Variants in CSMD1 observed in about 807,000 individuals in gnomAD.
CSMD1 encodes CUB and Sushi multiple domains 1.
In CSMD1, 213 loss-of-function variants were observed where a neutral mutation model predicts 417.5. The observed-to-expected ratio is 0.51, with a 90% CI of 0.46 to 0.57. The LOEUF is 0.57. Among genes scored for constraint, CSMD1 ranks in the 20% least tolerant of loss-of-function variants. The pLI is 0.00. For missense variants in CSMD1, 6,923 were observed against 4,529.7 expected, an observed-to-expected ratio of 1.53 and a Z score of -15.17; for synonymous variants, 2,862 against 1,736.8, an observed-to-expected ratio of 1.65 and a Z score of -16.11.
chr8:4,295,305 T>G (rs191768416), intron 3 of CSMD1, among the ~76,000 whole-genome samples: 173 of 108,886 alleles, frequency 1.6e-3, no homozygotes, highest in African/African-American at 4.9e-3. Context: ...AGATTATCTA[T>G]ATAATCTTAA....
chr8:4,017,367 G>A (rs757911977), intron 4 of CSMD1, among the ~76,000 whole-genome samples: 25 of 152,100 alleles, frequency 1.6e-4, no homozygotes, highest in Admixed American at 3.9e-4. Flanking sequence ...GTGCAATGGT[G>A]CGATCTTGGC....
At chr8:2,956,471 A>C (rs1449022224) in intron 63 of CSMD1, among the ~76,000 whole-genome samples, 1 of 151,576 alleles carries the variant, frequency 6.6e-6, no homozygotes, top group Non-Finnish European at 1.5e-5. Flanking sequence ...TTTTTTATTT[A>C]TTTTTTGAGT....
At chr8:4,090,123 G>C (rs113098283) in intron 3 of CSMD1, among the ~76,000 whole-genome samples, 92 of 152,280 alleles carry the variant, frequency 6.0e-4, no homozygotes, top group African/African-American at 2.0e-3. Flanking sequence ...AACTCTGGAA[G>C]CTCATCATTA....
intron 68 of CSMD1, among the ~76,000 whole-genome samples, chr8:2,944,255 G>C (rs1802071046): frequency 6.6e-6 from 1 of 152,180 alleles, no homozygotes; most frequent in Non-Finnish European, 1.5e-5. Context: ...TTGGAAGCGA[G>C]GGACGCAAAA....
intron 7 of CSMD1, among the ~76,000 whole-genome samples, chr8:3,644,234 G>A (rs886538625): frequency 6.6e-6 from 1 of 152,206 alleles, no homozygotes; most frequent in Non-Finnish European, 1.5e-5. Flanking sequence ...TCCCCAGGTC[G>A]TTGAGGTGAC....
chr8:4,821,157 G>C (rs902044257), intron 1 of CSMD1, among the ~76,000 whole-genome samples: 1 of 152,156 alleles, frequency 6.6e-6, no homozygotes, highest in Non-Finnish European at 1.5e-5. Flanking sequence ...CTGAGTCACA[G>C]ATCCTCTCTT....
chr8:4,280,456 T>A (rs1206827238), intron 3 of CSMD1, among the ~76,000 whole-genome samples: 2 of 152,214 alleles, frequency 1.3e-5, no homozygotes, highest in Non-Finnish European at 2.9e-5. Flanking sequence ...ATCTGAGCAC[T>A]TGCATACATC....
At chr8:4,639,561 T>C (rs1163327793) in intron 1 of CSMD1, among the ~76,000 whole-genome samples, 1 of 152,186 alleles carries the variant, frequency 6.6e-6, no homozygotes, top group Non-Finnish European at 1.5e-5. Context: ...TAATGTGCTT[T>C]AAATGTATTT....
intron 3 of CSMD1, among the ~76,000 whole-genome samples, chr8:4,292,581 A>T (rs369331826): frequency 2.0e-5 from 3 of 152,316 alleles, no homozygotes; most frequent in East Asian, 3.9e-4. Flanking sequence ...AATGGAATTT[A>T]TAACAACCCA....
At chr8:3,243,923 G>A (rs78457866) in intron 26 of CSMD1, among the ~76,000 whole-genome samples, 1 of 151,960 alleles carries the variant, frequency 6.6e-6, no homozygotes, top group Admixed American at 6.6e-5. Flanking sequence ...TTTTTTAAAC[G>A]TTATGTAAAA....
Position 3,998,117 on chromosome 8 carries a change from G to C in CSMD1, c.611-7C>G, listed in dbSNP as rs529353676. 35 of 1,552,584 alleles carry C rather than the reference G, an allele frequency of 2.3e-5. No homozygotes were observed. The highest frequency in any genetic ancestry group is 2.8e-5 in the Non-Finnish European group (32 of 1,145,990). On this transcript the variant is annotated splice_region_variant and splice_polypyrimidine_tract_variant and intron_variant, in intron 4 of 69. Transcript: ENST00000635120. Reference sequence around the variant, plus strand: ...CCTCCGCAGGCTCCCTCAGCTGCAGGGGCAAAAGCAGAAAGAAAGCATCAC... The same window carrying C: ...CCTCCGCAGGCTCCCTCAGCTGCAGCGGCAAAAGCAGAAAGAAAGCATCAC...
chr8:3,457,124 C>T (rs1816200518), intron 12 of CSMD1, among the ~76,000 whole-genome samples: 1 of 151,832 alleles, frequency 6.6e-6, no homozygotes, highest in Non-Finnish European at 1.5e-5. Flanking sequence ...TCACCCAGGC[C>T]TCTCCTCCCG....
At position 2,950,926 on chromosome 8, in the gene CSMD1, G is replaced by T. The variant is rs73179583; in HGVS notation, c.10201+188C>A. Among the ~76,000 whole-genome samples, 1,259 of 152,156 alleles carry T rather than the reference G, an allele frequency of 8.3e-3. 13 individuals carry two copies. The highest frequency in any genetic ancestry group is 0.013 in the Non-Finnish European group (881 of 67,996). ...CAGTTCACTTTTCTGTACTCGTTTTGTAATCTCTAAAATAAGAAAATAATA... is the reference window on the plus strand; with the variant it reads ...CAGTTCACTTTTCTGTACTCGTTTTTTAATCTCTAAAATAAGAAAATAATA... On this transcript the variant is annotated intron_variant, in intron 66 of 69. Coordinates refer to ENST00000635120, the MANE Select transcript of CSMD1 (RefSeq NM_033225.6).
At chr8:4,622,123 A>G (rs1801815579) in intron 2 of CSMD1, among the ~76,000 whole-genome samples, 1 of 151,942 alleles carries the variant, frequency 6.6e-6, no homozygotes, top group South Asian at 2.1e-4. Context: ...TTCAGTATGA[A>G]GAACGATTAA....
chr8:3,508,731 A>G (rs1480533349), intron 10 of CSMD1, among the ~76,000 whole-genome samples: 1 of 152,126 alleles, frequency 6.6e-6, no homozygotes, highest in Non-Finnish European at 1.5e-5. Context: ...AAAATTTAAA[A>G]CAAATAAAAT....
intron 12 of CSMD1, among the ~76,000 whole-genome samples, chr8:3,466,063 A>G (rs1344361965): frequency 6.6e-6 from 1 of 152,216 alleles, no homozygotes; most frequent in East Asian, 1.9e-4. Flanking sequence ...TGTTTGTAGA[A>G]AAAATCTCAA....
At chr8:3,772,211 C>G (rs1287641839) in intron 5 of CSMD1, among the ~76,000 whole-genome samples, 4 of 139,516 alleles carry the variant, frequency 2.9e-5, no homozygotes, top group African/African-American at 1.0e-4. Flanking sequence ...CACACACACA[C>G]ACACATATAA....
intron 26 of CSMD1, among the ~76,000 whole-genome samples, chr8:3,269,238 T>C (rs559748792): frequency 7.0e-4 from 106 of 152,340 alleles, no homozygotes; most frequent in African/African-American, 2.5e-3. Context: ...CTGTTCACAA[T>C]CTATGATCCT....
intron 41 of CSMD1, among the ~76,000 whole-genome samples, chr8:3,132,378 C>A (rs1001677843): frequency 5.9e-5 from 9 of 151,586 alleles, no homozygotes; most frequent in African/African-American, 1.9e-4. Flanking sequence ...ACTTAAAATA[C>A]AACTTAATGG....
Sources: allele counts gnomAD v4.1 joint callset (sites outside exome capture counted in the v4.1 genomes callset), GRCh38; gene constraint gnomAD v4.1.1; transcripts MANE v1.5; gene names NCBI Gene and HGNC (gene_info 2026-07-23, HGNC 2026-07-21).